Variants in CCSER1 observed in about 807,000 individuals in gnomAD.
CCSER1 encodes the protein coiled-coil serine rich protein 1.
Under a neutral mutation model 82.0 loss-of-function variants are expected in CCSER1, and 41 were observed. The ratio of observed to expected loss-of-function variants is 0.50; its 90% confidence interval spans 0.39 to 0.65. The LOEUF (loss-of-function observed/expected upper bound fraction) is 0.65. Among genes scored for constraint, CCSER1 ranks in the 30% least tolerant of loss-of-function variants. The pLI, the probability that CCSER1 is intolerant of heterozygous loss-of-function variation, is 0.00. For synonymous variants in CCSER1, 414 were observed against 383.9 expected, an observed-to-expected ratio of 1.08 and a Z score of -0.92; for missense variants, 1,119 against 1,064.2, an observed-to-expected ratio of 1.05 and a Z score of -0.72.
intron 6 of CCSER1, among the ~76,000 whole-genome samples, chr4:90,648,935 G>A (rs1728218148): frequency 6.6e-6 from 1 of 152,084 alleles, no homozygotes; most frequent in East Asian, 1.9e-4. Flanking sequence ...AGAGTAACAC[G>A]GTCTTATAAT....
chr4:90,178,402 T>C (rs944639953), intron 1 of CCSER1, among the ~76,000 whole-genome samples: 1 of 152,124 alleles, frequency 6.6e-6, no homozygotes, highest in East Asian at 1.9e-4. Flanking sequence ...CTCTCTCCCA[T>C]TTTTAGGGCA....
chr4:90,462,383 G>T (rs1254932677), intron 4 of CCSER1, among the ~76,000 whole-genome samples: 1 of 152,144 alleles, frequency 6.6e-6, no homozygotes, highest in Non-Finnish European at 1.5e-5. Context: ...TCTATCTTCA[G>T]GAAGCCTCAA....
At chr4:90,713,586 T>A (rs1227931213) in intron 6 of CCSER1, among the ~76,000 whole-genome samples, 1 of 151,898 alleles carries the variant, frequency 6.6e-6, no homozygotes, top group Admixed American at 6.6e-5. Context: ...TATTTTTTTT[T>A]ATTTCAATCT....
chr4:91,550,508 C>T (rs1254468003), intron 10 of CCSER1, among the ~76,000 whole-genome samples: 4 of 152,146 alleles, frequency 2.6e-5, no homozygotes, highest in Admixed American at 2.0e-4. Context: ...TGTAACATGA[C>T]TTATTATTTT....
intron 10 of CCSER1, among the ~76,000 whole-genome samples, chr4:91,469,564 A>C (rs188054747): frequency 5.2e-4 from 79 of 152,256 alleles, no homozygotes; most frequent in African/African-American, 1.7e-3. Context: ...TTAAAAGATT[A>C]GGGTGAAAGA....
intron 10 of CCSER1, among the ~76,000 whole-genome samples, chr4:91,338,270 A>G (rs1469485943): frequency 2.0e-5 from 3 of 152,150 alleles, no homozygotes; most frequent in Non-Finnish European, 4.4e-5. Flanking sequence ...ATTAATTATA[A>G]ACCTGTAAAT....
At chr4:91,377,019 G>T (rs1239221394) in intron 10 of CCSER1, among the ~76,000 whole-genome samples, 1 of 151,002 alleles carries the variant, frequency 6.6e-6, no homozygotes, top group Non-Finnish European at 1.5e-5. Flanking sequence ...TTGTCCTTGC[G>T]ATAGTTTGCT....
chr4:90,181,790 G>A (rs1733777970), intron 1 of CCSER1, among the ~76,000 whole-genome samples: 2 of 152,160 alleles, frequency 1.3e-5, no homozygotes, highest in Non-Finnish European at 2.9e-5. Context: ...TTCTGGGCTG[G>A]TAGAGCAGAC....
chr4:90,942,249 AG>A (rs1731682755), intron 9 of CCSER1, among the ~76,000 whole-genome samples: 1 of 152,116 alleles, frequency 6.6e-6, no homozygotes, highest in African/African-American at 2.4e-5. Context: ...CACTACGCCC[AG>A]CTGGGAAATA....
At chr4:90,335,837 C>G (rs1164090794) in intron 3 of CCSER1, among the ~76,000 whole-genome samples, 1 of 152,142 alleles carries the variant, frequency 6.6e-6, no homozygotes, top group East Asian at 1.9e-4. Context: ...AGGCTGGACT[C>G]AAACTCCTGA....
In CCSER1 at chr4:91,003,541, G is replaced by A. The variant is rs367785604; in HGVS notation, c.2172+80094G>A. Among the ~76,000 whole-genome samples, 42 of 152,228 alleles carry A rather than the reference G, an allele frequency of 2.8e-4. 1 individual carries two copies. The South Asian group carries it at 6.6e-3, about 24-fold the overall frequency. On this transcript the variant is annotated intron_variant, in intron 9 of 10. Transcript: ENST00000509176. The stretch of plus-strand genomic sequence containing the variant: ...GTCACAGGCCTCACCCAGCACCCAC[G>A]CAACCCAAAAGTCTCACTCCCACTG...
Position 90,592,540 on chromosome 4 carries a change from G to A in CCSER1, c.1725-35485G>A, listed in dbSNP as rs183441650. ...CTTCACCTGCCTTGCTATGAATAAA[G>A]TATGTATTCTTAGGATACATAAACT... On this transcript the variant is annotated intron_variant, in intron 5 of 10. Transcript: ENST00000509176. Among the ~76,000 whole-genome samples, 60 of 152,222 alleles carry A rather than the reference G, an allele frequency of 3.9e-4. 1 individual carries two copies. The highest frequency in any genetic ancestry group is 2.4e-4 in the Non-Finnish European group (16 of 68,002).
chr4:91,275,674 T>G (rs1452169809), intron 10 of CCSER1, among the ~76,000 whole-genome samples: 4 of 152,174 alleles, frequency 2.6e-5, no homozygotes, highest in Non-Finnish European at 5.9e-5. Context: ...AGCTTTTTAG[T>G]GTAATAGAAT....
rs184678156 is a variant in CCSER1 at position 90,257,393 on chromosome 4, A to C, written c.-41-50851A>C. Among the ~76,000 whole-genome samples the C allele has an allele frequency of 3.0e-4, 45 of 152,212 alleles. 1 individual carries two copies. Among genetic ancestry groups the C allele is most frequent in the Admixed American group, 1.1e-3 (17 of 15,278 alleles). ...CACTTGATAAATGTTTAAGGGAGCA[A>C]AAAATATTTTTTGGTGTATTTAAAA... On this transcript the variant is annotated intron_variant, in intron 1 of 10. Coordinates refer to ENST00000509176, the MANE Select transcript of CCSER1 (RefSeq NM_001145065.2).
intron 10 of CCSER1, among the ~76,000 whole-genome samples, chr4:91,216,512 G>T (rs1318334680): frequency 6.6e-6 from 1 of 152,056 alleles, no homozygotes; most frequent in Non-Finnish European, 1.5e-5. Flanking sequence ...AGTAGAGACG[G>T]GGTTTCACCG....
At chr4:90,913,885 A>G (rs939876417) in intron 8 of CCSER1, among the ~76,000 whole-genome samples, 7 of 152,178 alleles carry the variant, frequency 4.6e-5, no homozygotes, top group Non-Finnish European at 1.0e-4. Context: ...CAAAAATCAA[A>G]AGAGACAAAG....
At chr4:91,598,476 G>T in intron 10 of CCSER1, 96 bp from the exon 11 acceptor site, 4 of 1,282,752 alleles carry the variant, frequency 3.1e-6, no homozygotes, top group Non-Finnish European at 4.2e-6. Context: ...AAAATTTACG[G>T]GTTCAGACAC....
chr4:91,276,843 T>C (rs1352228545), intron 10 of CCSER1, among the ~76,000 whole-genome samples: 1 of 152,056 alleles, frequency 6.6e-6, no homozygotes, highest in Non-Finnish European at 1.5e-5. Context: ...TAAGGCAGTT[T>C]TTTTGAGTTT....
At chr4:90,297,152 A>G (rs1482192671) in intron 1 of CCSER1, among the ~76,000 whole-genome samples, 1 of 151,268 alleles carries the variant, frequency 6.6e-6, no homozygotes, top group Non-Finnish European at 1.5e-5. Context: ...ATTTGTTTGT[A>G]TCCTCTTTTA....
Sources: allele counts gnomAD v4.1 joint callset (sites outside exome capture counted in the v4.1 genomes callset), GRCh38; gene constraint gnomAD v4.1.1; transcripts MANE v1.5; gene names NCBI Gene and HGNC (gene_info 2026-07-23, HGNC 2026-07-21).